The following KCNK10 variants were observed in gnomAD, a reference collection of about 807,000 sequenced individuals.
The protein encoded by KCNK10 is potassium channel subfamily K member 10.
A neutral mutation model predicts 47.7 loss-of-function variants in KCNK10; 25 were observed. The ratio of observed to expected loss-of-function variants is 0.52; its 90% CI spans 0.38 to 0.73. KCNK10 has a LOEUF of 0.73. KCNK10 is among the 30% of genes least tolerant of loss of function. The pLI is 0.00. For synonymous variants in KCNK10, 303 were observed against 285.6 expected, an observed-to-expected ratio of 1.06 and a Z score of -0.61; for missense variants, 563 against 714.5, an observed-to-expected ratio of 0.79 and a Z score of 2.42.
chr14:88,248,296 G>T (rs556912891), intron 2 of KCNK10, among the ~76,000 whole-genome samples: 84 of 152,240 alleles, frequency 5.5e-4, no homozygotes, highest in African/African-American at 2.0e-3. Flanking sequence ...CCATTGCATT[G>T]AACAGAGCCT....
At chr14:88,194,895 T>C (rs1387316625) in intron 4 of KCNK10, among the ~76,000 whole-genome samples, 1 of 152,152 alleles carries the variant, frequency 6.6e-6, no homozygotes, top group Non-Finnish European at 1.5e-5. Context: ...GTCTTGCATG[T>C]GTATGTGTGT....
chr14:88,185,242 C>T lies in KCNK10; in HGVS notation c.*293G>A. On this transcript the variant is annotated 3_prime_UTR_variant, in exon 7 of 7. Coordinates refer to ENST00000319231, the MANE Select transcript of KCNK10 (RefSeq NM_138317.3). This position sits in a 1 kb window ranked among gnomAD's most constrained non-coding sequence, Gnocchi z 4.3. Reference sequence around the variant, plus strand: ...CTACGTGTGTGCCCAGGTAGCACTGCCCAGGGGTACAGCACTGCCACTGAA... The same window carrying T: ...CTACGTGTGTGCCCAGGTAGCACTGTCCAGGGGTACAGCACTGCCACTGAA... 1 of 369,666 alleles carries T rather than the reference C, an allele frequency of 2.7e-6. No homozygotes were observed. The highest frequency in any genetic ancestry group is 5.0e-6 in the Non-Finnish European group (1 of 201,512). The allele number at this position is 369,666 out of a possible 1,614,324, so 22.9% of individuals were successfully genotyped here.
intron 2 of KCNK10, among the ~76,000 whole-genome samples, chr14:88,247,428 A>C (rs1316302315): frequency 6.6e-6 from 1 of 152,222 alleles, no homozygotes; most frequent in African/African-American, 2.4e-5. Flanking sequence ...GACCATAAAA[A>C]GGTAAAGAAA....
At chr14:88,285,410 C>T (rs1030873680) in intron 1 of KCNK10, among the ~76,000 whole-genome samples, 4 of 152,168 alleles carry the variant, frequency 2.6e-5, no homozygotes, top group Admixed American at 2.0e-4. Flanking sequence ...CTGTGCCTGG[C>T]CTGAATAAGT....
intron 2 of KCNK10, among the ~76,000 whole-genome samples, chr14:88,249,803 G>A (rs777718600): frequency 1.4e-4 from 21 of 152,282 alleles, no homozygotes; most frequent in Admixed American, 8.5e-4. Flanking sequence ...ATTGGCTAGC[G>A]ATATAATTAA....
chr14:88,250,849 C>G (rs1886774132), intron 2 of KCNK10, among the ~76,000 whole-genome samples: 1 of 152,050 alleles, frequency 6.6e-6, no homozygotes, highest in Admixed American at 6.6e-5. Flanking sequence ...TATTGACAAC[C>G]AGACCAAAAA....
intron 1 of KCNK10, among the ~76,000 whole-genome samples, chr14:88,305,161 T>G (rs1007405439): frequency 1.3e-5 from 2 of 151,078 alleles, no homozygotes; most frequent in East Asian, 2.0e-4. Context: ...ATCGCGCCAC[T>G]GCACTCCCAC....
intron 3 of KCNK10, 42 bp from the exon 4 acceptor site, chr14:88,227,577 T>C (rs768153226): frequency 1.3e-6 from 2 of 1,543,194 alleles, no homozygotes; most frequent in Non-Finnish European, 1.7e-6. Context: ...GCAGAGAAAT[T>C]AGCATACTGA....
chr14:88,235,794 A>C (rs1886283452), intron 3 of KCNK10, among the ~76,000 whole-genome samples: 1 of 152,196 alleles, frequency 6.6e-6, no homozygotes, highest in African/African-American at 2.4e-5. Flanking sequence ...AACCAAAACC[A>C]CACAGCAAAG....
At chr14:88,289,519 T>G (rs1887833780) in intron 1 of KCNK10, among the ~76,000 whole-genome samples, 1 of 152,250 alleles carries the variant, frequency 6.6e-6, no homozygotes, top group Non-Finnish European at 1.5e-5. Context: ...CAATGTTGCA[T>G]CAGCCTCCTC....
intron 1 of KCNK10, among the ~76,000 whole-genome samples, chr14:88,289,744 TCTCTAAGCCTCAGTGTTCTTATC>T (rs1457926236): frequency 6.6e-6 from 1 of 152,170 alleles, no homozygotes; most frequent in African/African-American, 2.4e-5. Flanking sequence ...ATACTTAAGC[TCTCTAAGCCTCAGTGTTCTTATC>T]CTTAAAATGG....
At chr14:88,191,067 T>C (rs991456212) in intron 5 of KCNK10, among the ~76,000 whole-genome samples, 3 of 151,700 alleles carry the variant, frequency 2.0e-5, no homozygotes, top group Admixed American at 2.0e-4. Context: ...CTAAATCCCA[T>C]CTCTACGAAA....
At chr14:88,273,526 C>T (rs1887456813) in intron 1 of KCNK10, among the ~76,000 whole-genome samples, 1 of 152,206 alleles carries the variant, frequency 6.6e-6, no homozygotes. Flanking sequence ...AATAAACTCT[C>T]ACCCTCCGAC....
intron 4 of KCNK10, among the ~76,000 whole-genome samples, chr14:88,208,758 A>G (rs1408031047): frequency 6.6e-6 from 1 of 152,130 alleles, no homozygotes; most frequent in Non-Finnish European, 1.5e-5. Context: ...ACCACATGAT[A>G]TCTATTCCTG....
intron 3 of KCNK10, among the ~76,000 whole-genome samples, chr14:88,230,518 T>C (rs1053089188): frequency 8.5e-5 from 13 of 152,382 alleles, no homozygotes; most frequent in South Asian, 4.1e-4. Context: ...GCTGTTTACG[T>C]GCCAAAGTCA....
At chr14:88,306,081 T>G (rs1219868448) in intron 1 of KCNK10, among the ~76,000 whole-genome samples, 1 of 152,214 alleles carries the variant, frequency 6.6e-6, no homozygotes. Flanking sequence ...CAGCATGAGC[T>G]GAAGTGGTGC....
intron 2 of KCNK10, among the ~76,000 whole-genome samples, chr14:88,253,860 T>G (rs952458005): frequency 6.6e-6 from 1 of 152,154 alleles, no homozygotes; most frequent in Non-Finnish European, 1.5e-5. Context: ...ATCTCACCAT[T>G]GCACTCCAGT....
At chr14:88,296,064 C>T (rs1887979099) in intron 1 of KCNK10, among the ~76,000 whole-genome samples, 1 of 152,156 alleles carries the variant, frequency 6.6e-6, no homozygotes, top group African/African-American at 2.4e-5. Context: ...GAAGTTATTC[C>T]AGGTATTGGT....
At chr14:88,320,339 G>A (rs1319277684) in intron 1 of KCNK10, among the ~76,000 whole-genome samples, 1 of 152,012 alleles carries the variant, frequency 6.6e-6, no homozygotes, top group Non-Finnish European at 1.5e-5. Flanking sequence ...ACTGTGTCAG[G>A]CTGTAAAATG....
Sources: allele counts gnomAD v4.1 joint callset (sites outside exome capture counted in the v4.1 genomes callset), GRCh38; gene constraint gnomAD v4.1.1; non-coding constraint Gnocchi (gnomAD v3.1); transcripts MANE v1.5; gene names NCBI Gene and HGNC (gene_info 2026-07-23, HGNC 2026-07-21).